Variants in SPICE1 observed in about 807,000 individuals in gnomAD.
SPICE1 encodes the protein spindle and centriole associated protein 1.
SPICE1 carries 75 observed loss-of-function variants against 102.7 expected under a neutral mutation model. The ratio of observed to expected loss-of-function variants is 0.73; its 90% confidence interval spans 0.61 to 0.88. The LOEUF (loss-of-function observed/expected upper bound fraction) is 0.88. SPICE1 is among the 40% of genes least tolerant of loss of function. The pLI, the probability that SPICE1 is intolerant of heterozygous loss-of-function variation, is 0.00. For synonymous variants in SPICE1, 308 were observed against 350.3 expected (o/e 0.88, Z 1.35); for missense variants, 979 against 1,020.1 (o/e 0.96, Z 0.55).
intron 7 of SPICE1, among the ~76,000 whole-genome samples, chr3:113,470,723 G>A (rs969100729): frequency 6.6e-6 from 1 of 152,218 alleles, no homozygotes; most frequent in Non-Finnish European, 1.5e-5. Context: ...GCCAAAGCCA[G>A]AGCCACAGGC....
At chr3:113,477,703 G>A (rs999352542) in intron 7 of SPICE1, among the ~76,000 whole-genome samples, 28 of 148,918 alleles carry the variant, frequency 1.9e-4, no homozygotes, top group Admixed American at 2.7e-4. Context: ...ACCAAACACC[G>A]CATGTTCTCA....
At position 113,503,160 on chromosome 3, in the gene SPICE1, A is replaced by G; in HGVS notation, c.147+20T>C. 4 of 1,605,328 alleles carry G rather than the reference A, an allele frequency of 2.5e-6. No individual in the cohort carries two copies. The highest frequency in any genetic ancestry group is 3.4e-6 in the Non-Finnish European group (4 of 1,176,246). On this transcript the variant is annotated intron_variant, in intron 3 of 17. Coordinates refer to ENST00000295872, the MANE Select transcript of SPICE1 (RefSeq NM_144718.4). ...AATAAAACACTGAATAAATGACTTAAGTTTTGATATTAAACTCACCAGATC... is the reference window on the plus strand; with the variant it reads ...AATAAAACACTGAATAAATGACTTAGGTTTTGATATTAAACTCACCAGATC...
chr3:113,445,863 T>C (rs1312262935), intron 17 of SPICE1, among the ~76,000 whole-genome samples: 1 of 152,186 alleles, frequency 6.6e-6, no homozygotes, highest in Admixed American at 6.5e-5. Flanking sequence ...TTTGATCTAA[T>C]TACTGAACTC....
At chr3:113,471,854 G>A (rs1310356131) in intron 7 of SPICE1, among the ~76,000 whole-genome samples, 2 of 152,204 alleles carry the variant, frequency 1.3e-5, no homozygotes, top group African/African-American at 2.4e-5. Flanking sequence ...AGCTCCCAGC[G>A]TGAGTGACAC....
At chr3:113,500,073 G>C (rs1936979644) in intron 3 of SPICE1, among the ~76,000 whole-genome samples, 1 of 152,046 alleles carries the variant, frequency 6.6e-6, no homozygotes, top group African/African-American at 2.4e-5. Context: ...ATAATGTAGT[G>C]TTTATAGCCC....
rs373307000 is a variant in SPICE1, at chr3:113,513,558, G to A, written c.-1+1339C>T. Among the ~76,000 whole-genome samples, 41 of 152,132 alleles carry A rather than the reference G, an allele frequency of 2.7e-4. 1 individual carries two copies. Among genetic ancestry groups the A allele is most frequent in the African/African-American group, 8.9e-4 (37 of 41,484 alleles). ...AATCTCTACTTGCTGATATATAACTGGTTGACTCGATAAATATGTTCAATT... is the reference window on the plus strand; with the variant it reads ...AATCTCTACTTGCTGATATATAACTAGTTGACTCGATAAATATGTTCAATT... On this transcript the variant is annotated intron_variant, in intron 1 of 17. Transcript: ENST00000295872.
At chr3:113,445,674 C>T (rs9682014) in intron 17 of SPICE1, among the ~76,000 whole-genome samples, 9,424 of 152,098 alleles carry the variant, frequency 0.062, 382 homozygotes, top group African/African-American at 0.11. Context: ...AAATTAAATG[C>T]TACTAAATTC....
chr3:113,467,545 C>T (rs1260290740), intron 10 of SPICE1, among the ~76,000 whole-genome samples: 4 of 152,182 alleles, frequency 2.6e-5, no homozygotes, highest in South Asian at 2.1e-4. Context: ...CTGCCCGCCT[C>T]GGCCTTCCAA....
chr3:113,503,200 G>A lies in SPICE1; in HGVS notation c.127C>T (p.Arg43Trp), dbSNP rs377494032. Residue 43 changes from arginine (R) to tryptophan (W), a missense_variant, in exon 3 of 18, where the codon CGG (arginine) becomes TGG (tryptophan). Coordinates refer to ENST00000295872, the MANE Select transcript of SPICE1 (RefSeq NM_144718.4). Reference protein sequence around the residue: ...DNTVTDLTVHRATPEDLVRRH... With the variant: ...DNTVTDLTVHWATPEDLVRRH... ...CTCACCAGATCTTCGGGAGTTGCCC[G>A]ATGAACGGTTAGATCAGTCACGGTA... The A allele has an allele frequency of 1.6e-5, 26 of 1,601,444 alleles. No homozygotes were observed. The East Asian group carries it at 1.8e-4, about 11-fold the overall frequency.
Position 113,491,067 on chromosome 3 carries a change from T to G in SPICE1, c.493-2004A>C, listed in dbSNP as rs1003954304. On this transcript the variant is annotated intron_variant, in intron 6 of 17. Transcript: ENST00000295872. Reference sequence around the variant, plus strand: ...CTTTAAAATCCTTCAGTGACTCTACTTTTACTTTCCAGTCCTTAGTCCTTC... The same window carrying G: ...CTTTAAAATCCTTCAGTGACTCTACGTTTACTTTCCAGTCCTTAGTCCTTC... Among the ~76,000 whole-genome samples, 5 of 152,156 alleles carry G rather than the reference T, an allele frequency of 3.3e-5. 1 individual carries two copies. Among genetic ancestry groups the G allele is most frequent in the Admixed American group, 3.3e-4 (5 of 15,276 alleles).
chr3:113,505,665 C>T (rs1937094139), intron 2 of SPICE1, among the ~76,000 whole-genome samples: 1 of 152,170 alleles, frequency 6.6e-6, no homozygotes. Flanking sequence ...CTTTGGGAAG[C>T]GAAGGCACGA....
chr3:113,462,384 G>A (rs966150430), intron 11 of SPICE1, among the ~76,000 whole-genome samples: 1 of 152,170 alleles, frequency 6.6e-6, no homozygotes, highest in African/African-American at 2.4e-5. Flanking sequence ...TCAGACACTG[G>A]TGAACTATTA....
At chr3:113,497,323 G>A (rs1936913746) in intron 4 of SPICE1, among the ~76,000 whole-genome samples, 1 of 152,134 alleles carries the variant, frequency 6.6e-6, no homozygotes, top group South Asian at 2.1e-4. Flanking sequence ...TTTGTTTAAA[G>A]CAAAACATAT....
Position 113,506,538 on chromosome 3 carries a change from T to G in SPICE1, c.68A>C (p.Lys23Thr), listed in dbSNP as rs1324795969. 1.2e-6 allele frequency: 2 copies of G among 1,613,644 alleles called. No homozygotes were observed. The highest frequency in any genetic ancestry group is 1.7e-6 in the Non-Finnish European group (2 of 1,179,828). Residue 23 changes from lysine (K) to threonine (T), a missense_variant, in exon 2 of 18, where the codon AAG (lysine) becomes ACG (threonine). Transcript: ENST00000295872. ...VGVRKTPKVK[K>T]KKTSVKQEWD... ...TTCTTGTTTCACTGAAGTTTTCTTC[T>G]TCTTTACTTTCGGTGTCTTTCTTAC... is the stretch of plus-strand genomic sequence containing the variant.
chr3:113,445,055 A>G lies in SPICE1; in HGVS notation c.*252T>C, dbSNP rs1935481289. 1 of 309,202 alleles carries G rather than the reference A, an allele frequency of 3.2e-6. No homozygotes were observed. The highest frequency in any genetic ancestry group is 5.0e-5 in the Admixed American group (1 of 20,156). The allele number at this position is 309,202 out of a possible 1,614,324, so 19.2% of individuals were successfully genotyped here. A position where few individuals can be genotyped will look rare whatever the true frequency, so the allele number is the denominator to read the frequency against. On this transcript the variant is annotated 3_prime_UTR_variant, in exon 18 of 18. Coordinates refer to ENST00000295872, the MANE Select transcript of SPICE1 (RefSeq NM_144718.4). Reference sequence around the variant, plus strand: ...AAAAAACCCTTAAAATACTTAAGAAAGTATTAAAATACAAAACTTTAACTT... The same window carrying G: ...AAAAAACCCTTAAAATACTTAAGAAGGTATTAAAATACAAAACTTTAACTT...
chr3:113,445,149 G>C lies in SPICE1; in HGVS notation c.*158C>G. The stretch of plus-strand genomic sequence containing the variant: ...GGTTGTTGAAAACTTATTTGAGAAA[G>C]TCAAAAAATAATTGCTTTATTTCTC... On this transcript the variant is annotated 3_prime_UTR_variant, in exon 18 of 18. Coordinates refer to ENST00000295872, the MANE Select transcript of SPICE1 (RefSeq NM_144718.4). The C allele has an allele frequency of 1.9e-6, 1 of 523,894 alleles. No individual in the cohort carries two copies. The highest frequency in any genetic ancestry group is 3.2e-6 in the Non-Finnish European group (1 of 312,182). 32.5% of individuals were successfully genotyped at this position (523,894 alleles called of 1,614,324 possible).
In SPICE1 at chr3:113,460,612, C is replaced by A; in HGVS notation, c.1435+5G>T. On this transcript the variant is annotated splice_donor_5th_base_variant and intron_variant, in intron 12 of 17. Coordinates refer to ENST00000295872, the MANE Select transcript of SPICE1 (RefSeq NM_144718.4). Reference sequence around the variant, plus strand: ...GACAGTCTGAGAGAGTAAGACCACACTCACCTGGACTGTCCATAACTCTTC... The same window carrying A: ...GACAGTCTGAGAGAGTAAGACCACAATCACCTGGACTGTCCATAACTCTTC... 1 of 1,598,370 alleles carries A rather than the reference C, an allele frequency of 6.3e-7. No individual in the cohort carries two copies. Among genetic ancestry groups the A allele is most frequent in the Non-Finnish European group, 8.5e-7 (1 of 1,174,484 alleles).
intron 12 of SPICE1, chr3:113,460,145 A>G (rs1935894491): frequency 1.0e-6 from 1 of 985,358 alleles, no homozygotes; most frequent in Non-Finnish European, 1.2e-6. Flanking sequence ...GAATTTCAAA[A>G]TAACAACACT....
intron 13 of SPICE1, among the ~76,000 whole-genome samples, chr3:113,456,238 T>G (rs1036644367): frequency 6.6e-6 from 1 of 152,042 alleles, no homozygotes; most frequent in African/African-American, 2.4e-5. Context: ...TACATCAAAG[T>G]GCAGAAAATT....
Sources: allele counts gnomAD v4.1 joint callset (sites outside exome capture counted in the v4.1 genomes callset), GRCh38; gene constraint gnomAD v4.1.1; transcripts MANE v1.5; gene names NCBI Gene and HGNC (gene_info 2026-07-23, HGNC 2026-07-21).